The following WIPI2 variants were observed in gnomAD, a reference collection of about 807,000 sequenced individuals.
The protein encoded by WIPI2 is WD repeat domain phosphoinositide-interacting protein 2.
WIPI2 carries 28 observed loss-of-function variants against 52.3 expected under a neutral mutation model. The ratio of observed to expected loss-of-function variants is 0.54; its 90% CI spans 0.40 to 0.73. WIPI2 has a LOEUF of 0.73. Among genes scored for constraint, WIPI2 ranks in the 30% least tolerant of loss-of-function variants. WIPI2 has a pLI of 0.00. For synonymous variants in WIPI2, 268 were observed against 245.0 expected (o/e 1.09, Z -0.88); for missense variants, 506 against 602.9 (o/e 0.84, Z 1.68).
rs1415758843 is a variant in WIPI2, at chr7:5,217,116, G to A, written c.505G>A (p.Asp169Asn). The change falls in exon 6 of 13, where the codon GAC becomes AAC. Residue 169 changes from aspartate to asparagine, a missense_variant. Around this residue, in one of 4 missense-constraint regions of WIPI2, gnomAD observed 237 missense variants for 346.9 expected, o/e 0.68. Coordinates refer to ENST00000288828, the MANE Select transcript of WIPI2 (RefSeq NM_015610.4). ...CCTGTGTGCGCTGTCAATCAACAAC[G>A]ACAACTGCTACTTGGCGTACCCAGG... ...AGLCALSINN[D>N]NCYLAYPGSA... 2.5e-6 allele frequency: 4 copies of A among 1,613,568 alleles called. 1 individual carries two copies. Among genetic ancestry groups the A allele is most frequent in the South Asian group, 2.2e-5 (2 of 91,056 alleles).
At chr7:5,212,737 C>T (rs1477347227) in intron 3 of WIPI2, among the ~76,000 whole-genome samples, 1 of 152,188 alleles carries the variant, frequency 6.6e-6, no homozygotes, top group Admixed American at 6.5e-5. Context: ...AGGCTGGTCT[C>T]GAATTCCTGC....
intron 4 of WIPI2, among the ~76,000 whole-genome samples, chr7:5,215,825 C>T (rs769543057): frequency 3.3e-5 from 5 of 152,226 alleles, no homozygotes; most frequent in South Asian, 2.1e-4. Flanking sequence ...AGCGATGCAT[C>T]GTCTGCATGT....
intron 4 of WIPI2, 70 bp downstream of exon 4, chr7:5,214,774 C>A: frequency 3.9e-6 from 6 of 1,547,382 alleles, no homozygotes; most frequent in Non-Finnish European, 4.4e-6. Flanking sequence ...AAGCCCACCC[C>A]ACCGGCATGC....
Position 5,229,726 on chromosome 7 carries a change from CCAA to C in WIPI2, c.1242_1244del (p.Thr415del). On this transcript the variant is annotated inframe_deletion, in exon 12 of 13. Transcript: ENST00000288828. ...AAAAGGTACTTACGTGCCTTCATCC[CCAA>C]CGAGACTTGGTAAGGGGCGTGACGC... is the stretch of plus-strand genomic sequence containing the variant. 6.2e-7 allele frequency: 1 copy of C among 1,613,922 alleles called. No individual in the cohort carries two copies. Among genetic ancestry groups the C allele is most frequent in the South Asian group, 1.1e-5 (1 of 91,062 alleles).
rs866413165 is a variant in WIPI2 at position 5,219,885 on chromosome 7, G to C, written c.669+1871G>C. Among the ~76,000 whole-genome samples, 11 of 151,874 alleles carry C rather than the reference G, an allele frequency of 7.2e-5. No homozygotes were observed. The Middle Eastern group carries it at 0.017, about 235-fold the overall frequency. ...CATGCTTGCTCTGTCACCCAGGCTG[G>C]AGTGCAGTGGCACAATCTCTGCTCT... On this transcript the variant is annotated intron_variant, in intron 7 of 12. Coordinates refer to ENST00000288828, the MANE Select transcript of WIPI2 (RefSeq NM_015610.4).
chr7:5,205,513 C>G (rs567828365), intron 3 of WIPI2, among the ~76,000 whole-genome samples: 7 of 152,264 alleles, frequency 4.6e-5, no homozygotes, highest in Non-Finnish European at 1.0e-4. Flanking sequence ...TTGCAGTTGG[C>G]CGTCACACTT....
intron 9 of WIPI2, chr7:5,226,282 C>G (rs1234907742): frequency 4.0e-6 from 1 of 250,804 alleles, no homozygotes; most frequent in African/African-American, 2.2e-5. Context: ...AATGGCTCGT[C>G]TCTTACCTTC....
At chr7:5,220,874 G>T (rs1223461819) in intron 7 of WIPI2, among the ~76,000 whole-genome samples, 1 of 151,660 alleles carries the variant, frequency 6.6e-6, no homozygotes, top group Non-Finnish European at 1.5e-5. Context: ...GCTCACTGCA[G>T]CCTCCACCTC....
At chr7:5,221,661 C>G (rs1488327966) in intron 7 of WIPI2, among the ~76,000 whole-genome samples, 2 of 152,196 alleles carry the variant, frequency 1.3e-5, no homozygotes, top group Non-Finnish European at 2.9e-5. Context: ...ATCCACAGAT[C>G]TGATATTAAC....
chr7:5,223,287 C>T (rs1180484551), intron 8 of WIPI2, among the ~76,000 whole-genome samples: 2 of 152,210 alleles, frequency 1.3e-5, no homozygotes, highest in African/African-American at 4.8e-5. Flanking sequence ...CTTTCAGTCG[C>T]ATGGCCGTGG....
rs779801986 is a variant in WIPI2 at position 5,227,216 on chromosome 7, C to T, written c.885C>T (p.Phe295=). 3.1e-6 allele frequency: 5 copies of T among 1,613,982 alleles called. No individual in the cohort carries two copies. The highest frequency in any genetic ancestry group is 3.4e-6 in the Non-Finnish European group (4 of 1,180,018). ...PEEPTTWTGY[F]GKVLMASTSY... ...AGCCCACCACCTGGACCGGGTACTT[C>T]GGGAAAGTGCTCATGGCCTCCACCA... The change falls in exon 10 of 13, where the codon TTC becomes TTT. Residue 295 remains phenylalanine (F), a synonymous_variant. Transcript: ENST00000288828. The surrounding 1 kb of genome is among the most constrained non-coding windows in gnomAD (Gnocchi z 8.1).
chr7:5,205,188 C>T (rs1782234881), intron 3 of WIPI2, among the ~76,000 whole-genome samples: 1 of 152,206 alleles, frequency 6.6e-6, no homozygotes, highest in South Asian at 2.1e-4. Context: ...GTTGGCTAGG[C>T]TGGTCTGGAA....
chr7:5,195,404 T>C (rs1781699191), intron 2 of WIPI2, among the ~76,000 whole-genome samples: 1 of 152,082 alleles, frequency 6.6e-6, no homozygotes, highest in South Asian at 2.1e-4. Flanking sequence ...GAGGATCCCT[T>C]GAGCCCAGGA....
At chr7:5,197,326 C>A (rs1161528145) in intron 2 of WIPI2, among the ~76,000 whole-genome samples, 1 of 151,960 alleles carries the variant, frequency 6.6e-6, no homozygotes, top group East Asian at 1.9e-4. Flanking sequence ...AAAATAGCAA[C>A]CCTTAGTTAT....
At chr7:5,216,793 A>G (rs1196592905) in intron 5 of WIPI2, 134 bp downstream of exon 5, 7 of 876,778 alleles carry the variant, frequency 8.0e-6, no homozygotes, top group South Asian at 6.8e-5. Flanking sequence ...TCCCAAACCA[A>G]GCTGCCTTCC....
At chr7:5,191,795 G>T (rs1452491719) in intron 1 of WIPI2, among the ~76,000 whole-genome samples, 2 of 152,186 alleles carry the variant, frequency 1.3e-5, no homozygotes, top group African/African-American at 4.8e-5. Flanking sequence ...AAAGTGAATT[G>T]TAGAATGGAC....
chr7:5,215,031 C>A (rs1273282316), intron 4 of WIPI2, among the ~76,000 whole-genome samples: 1 of 152,230 alleles, frequency 6.6e-6, no homozygotes, highest in Non-Finnish European at 1.5e-5. Flanking sequence ...ATATATTTGG[C>A]CGAGCACAGT....
intron 3 of WIPI2, among the ~76,000 whole-genome samples, chr7:5,208,925 G>C (rs961823650): frequency 9.9e-5 from 15 of 151,426 alleles, no homozygotes; most frequent in African/African-American, 3.6e-4. Context: ...TTTGAGGGTT[G>C]ATACGTTAAT....
chr7:5,229,310 C>CG, intron 11 of WIPI2: 1 of 245,574 alleles, frequency 4.1e-6, no homozygotes, highest in Non-Finnish European at 8.0e-6. Flanking sequence ...CCACTGCACC[C>CG]GGGCTAGCCT....
Sources: gnomAD v4.1 joint callset for allele counts (sites outside exome capture counted in the v4.1 genomes callset) on GRCh38, gnomAD v4.1.1 for gene constraint, gnomAD v4.1.1 regional missense constraint, Gnocchi (gnomAD v3.1) non-coding constraint, MANE v1.5 for transcripts, NCBI Gene and HGNC (gene_info 2026-07-23, HGNC 2026-07-21) for gene names.